The following PRKD3 variants were observed in gnomAD, a reference collection of about 807,000 sequenced individuals.
The protein encoded by PRKD3 is protein kinase D3.
In PRKD3, 47 loss-of-function variants were observed where a neutral mutation model predicts 99.2. The ratio of observed to expected loss-of-function variants is 0.47; its 90% CI spans 0.38 to 0.60. The LOEUF is 0.60. Among genes scored for constraint, PRKD3 ranks in the 20% least tolerant of loss-of-function variants. PRKD3 has a pLI of 0.00. For missense variants in PRKD3, 1,019 were observed against 1,088.4 expected (o/e 0.94, Z 0.90); for synonymous variants, 392 against 355.4 (o/e 1.10, Z -1.16).
intron 2 of PRKD3, among the ~76,000 whole-genome samples, chr2:37,307,247 GCCAGTAAAATAGT>G (rs1446268930): frequency 9.9e-5 from 15 of 152,100 alleles, no homozygotes; most frequent in African/African-American, 3.6e-4. Context: ...TATAACATTT[GCCAGTAAAATAGT>G]CCAAAGTCCT....
chr2:37,260,842 T>A (rs1318390607), intron 14 of PRKD3, among the ~76,000 whole-genome samples: 5 of 152,226 alleles, frequency 3.3e-5, no homozygotes, highest in Admixed American at 6.5e-5. Context: ...TATAATATTA[T>A]AATCATTAAT....
At chr2:37,293,590 C>T (rs547438497) in intron 2 of PRKD3, among the ~76,000 whole-genome samples, 2 of 152,266 alleles carry the variant, frequency 1.3e-5, no homozygotes, top group South Asian at 4.1e-4. Flanking sequence ...CCACTCTTAG[C>T]CTGAAAGATA....
chr2:37,273,330 C>A (rs1416219185), intron 11 of PRKD3, among the ~76,000 whole-genome samples: 1 of 152,112 alleles, frequency 6.6e-6, no homozygotes, highest in East Asian at 1.9e-4. Flanking sequence ...CATCTACTTA[C>A]ACCCATTCCA....
intron 14 of PRKD3, among the ~76,000 whole-genome samples, chr2:37,264,504 TTAAGG>T (rs1668692187): frequency 8.3e-6 from 1 of 120,798 alleles, no homozygotes; most frequent in South Asian, 2.5e-4. Context: ...AGAAAAAGAG[TTAAGG>T]TAGGGGAGTG....
In PRKD3 at chr2:37,316,370, T is replaced by C. The variant is rs752612002; in HGVS notation, c.155A>G (p.Asn52Ser). The change falls in exon 2 of 19, where the codon AAC becomes AGC. Residue 52 changes from asparagine (N) to serine (S), a missense_variant. Asn to Ser is a conservative substitution (Grantham distance 46, BLOSUM62 1). Transcript: ENST00000234179. ...NGSFSAPSLT[N>S]SRGSVHTVSF... ...AACTGTATGCACTGAGCCTCTGGAG[T>C]TGGTGAGTGATGGTGCACTGAAGCT... 6.8e-6 allele frequency: 11 copies of C among 1,613,664 alleles called. No individual in the cohort carries two copies. In the African/African-American group the frequency reaches 1.3e-4, roughly 20 times the overall value.
chr2:37,286,873 A>G (rs1670118731), intron 5 of PRKD3, among the ~76,000 whole-genome samples: 1 of 152,202 alleles, frequency 6.6e-6, no homozygotes, highest in Non-Finnish European at 1.5e-5. Flanking sequence ...TTCAGCTTTA[A>G]GAAGAAGTAA....
rs1379788513 is a variant in PRKD3, at chr2:37,260,337, G to A, written c.1932C>T (p.Thr644=). The A allele has an allele frequency of 4.3e-6, 7 of 1,611,004 alleles. No homozygotes were observed. In the African/African-American group the frequency reaches 9.4e-5, roughly 22 times the overall value. Residue 644 remains threonine (T), a synonymous_variant, in exon 15 of 19, where the codon ACC becomes ACT. Coordinates refer to ENST00000234179, the MANE Select transcript of PRKD3 (RefSeq NM_005813.6). ...GIVNLECMFE[T]PERVFVVMEK... is the part of the protein sequence containing the mutation. ...CCATTACTACAAAGACTCGTTCTGG[G>A]GTTTCAAACATACATTCCAGGTTTA...
chr2:37,256,828 C>T lies in PRKD3; in HGVS notation c.2247G>A (p.Arg749=), dbSNP rs754511367. The T allele has an allele frequency of 6.2e-7, 1 of 1,613,804 alleles. No individual in the cohort carries two copies. Among genetic ancestry groups the T allele is most frequent in the Non-Finnish European group, 8.5e-7 (1 of 1,179,942 alleles). ...CTAGGGAACGGTTGTAACCTTTGCT[C>T]CGGAGAACTTCAGGGGCTAAGTATG... ...TPAYLAPEVL[R]SKGYNRSLDM... is the part of the protein sequence containing the mutation. Residue 749 remains arginine (R), a synonymous_variant, in exon 17 of 19, where the codon CGG becomes CGA. Coordinates refer to ENST00000234179, the MANE Select transcript of PRKD3 (RefSeq NM_005813.6).
At chr2:37,260,957 T>C (rs1668390954) in intron 14 of PRKD3, among the ~76,000 whole-genome samples, 1 of 152,250 alleles carries the variant, frequency 6.6e-6, no homozygotes, top group African/African-American at 2.4e-5. Context: ...ATACTATTTA[T>C]GCTTATAAAA....
Position 37,287,278 on chromosome 2 carries a change from A to AAGAAAG in PRKD3, c.718-910_718-909insCTTTCT, listed in dbSNP as rs1558556390. Reference sequence around the variant, plus strand: ...AAAAAAAAAAAAAAAGAAAAAGAAAAAGAAAAAGAAAAATACCTGCCTACA... The same window carrying AAGAAAG: ...AAAAAAAAAAAAAAAGAAAAAGAAAAAGAAAGAGAAAAAGAAAAATACCTGCCTACA... On this transcript the variant is annotated intron_variant, in intron 5 of 18. Coordinates refer to ENST00000234179, the MANE Select transcript of PRKD3 (RefSeq NM_005813.6). Among the ~76,000 whole-genome samples, 58 of 147,144 alleles carry AAGAAAG rather than the reference A, an allele frequency of 3.9e-4. 1 individual carries two copies. The East Asian group carries it at 0.011, about 27-fold the overall frequency.
chr2:37,303,131 T>C (rs1671010353), intron 2 of PRKD3, among the ~76,000 whole-genome samples: 1 of 152,048 alleles, frequency 6.6e-6, no homozygotes, highest in South Asian at 2.1e-4. Flanking sequence ...GAGGGACAGC[T>C]GGACTTCAGA....
Position 37,316,645 on chromosome 2 carries a change from T to G in PRKD3, c.-121A>C. On this transcript the variant is annotated 5_prime_UTR_variant, in exon 2 of 19. Transcript: ENST00000234179. The stretch of plus-strand genomic sequence containing the variant: ...TTTTGGATTTAGTTGAAAACTTCTT[T>G]ATTTCCTCTGTTAAGCCACTCATGC... The G allele has an allele frequency of 1.4e-6, 2 of 1,470,256 alleles. No homozygotes were observed. Among genetic ancestry groups the G allele is most frequent in the Non-Finnish European group, 1.8e-6 (2 of 1,118,984 alleles). The allele number at this position is 1,470,256 out of a possible 1,614,324, so 91.1% of individuals were successfully genotyped here. A position where few individuals can be genotyped will look rare whatever the true frequency, so the allele number is the denominator to read the frequency against.
intron 14 of PRKD3, among the ~76,000 whole-genome samples, chr2:37,266,060 A>G (rs1034031466): frequency 3.3e-5 from 5 of 152,204 alleles, no homozygotes; most frequent in Non-Finnish European, 7.3e-5. Context: ...CATATTCAAC[A>G]GAGTATGAAT....
intron 7 of PRKD3, among the ~76,000 whole-genome samples, chr2:37,281,692 T>C (rs1274008570): frequency 1.3e-5 from 2 of 152,190 alleles, no homozygotes; most frequent in Non-Finnish European, 2.9e-5. Context: ...TATTTTGTTA[T>C]AGCAGCACAA....
chr2:37,315,121 G>A (rs948265627), intron 2 of PRKD3, among the ~76,000 whole-genome samples: 2 of 152,132 alleles, frequency 1.3e-5, no homozygotes, highest in Non-Finnish European at 2.9e-5. Context: ...TTTGCAAATA[G>A]AAAGTTTACA....
chr2:37,322,149 T>G (rs769029882), intron 1 of PRKD3, among the ~76,000 whole-genome samples: 3 of 152,204 alleles, frequency 2.0e-5, no homozygotes, highest in African/African-American at 4.8e-5. Context: ...GTATGTGGCC[T>G]TTTTCAATGC....
chr2:37,252,267 C>T lies in PRKD3; in HGVS notation c.*910G>A, dbSNP rs1667561329. 6.6e-6 allele frequency: 1 copy of T among 152,182 alleles called. No homozygotes were observed. Among genetic ancestry groups the T allele is most frequent in the Non-Finnish European group, 1.5e-5 (1 of 68,020 alleles). The allele number at this position is 152,182 out of a possible 1,614,324, so 9.4% of individuals were successfully genotyped here. A position where few individuals can be genotyped will look rare whatever the true frequency, so the allele number is the denominator to read the frequency against. Reference sequence around the variant, plus strand: ...TGGCCCTGCTAAAAAGCAGAAATTACTGACTGAACCCTAGGTAAAGATAAA... The same window carrying T: ...TGGCCCTGCTAAAAAGCAGAAATTATTGACTGAACCCTAGGTAAAGATAAA... On this transcript the variant is annotated 3_prime_UTR_variant, in exon 19 of 19. Coordinates refer to ENST00000234179, the MANE Select transcript of PRKD3 (RefSeq NM_005813.6).
intron 2 of PRKD3, among the ~76,000 whole-genome samples, chr2:37,313,679 G>T (rs1394209010): frequency 6.6e-6 from 1 of 152,120 alleles, no homozygotes; most frequent in Non-Finnish European, 1.5e-5. Flanking sequence ...TTTATAAAAA[G>T]AATGATTAAC....
chr2:37,299,668 G>A (rs1185174850), intron 2 of PRKD3, among the ~76,000 whole-genome samples: 2 of 151,628 alleles, frequency 1.3e-5, no homozygotes, highest in African/African-American at 2.4e-5. Context: ...AATATATAAG[G>A]AGCTCAAATG....
Sources: gnomAD v4.1 joint callset for allele counts (sites outside exome capture counted in the v4.1 genomes callset) on GRCh38, gnomAD v4.1.1 for gene constraint, MANE v1.5 for transcripts, NCBI Gene and HGNC (gene_info 2026-07-23, HGNC 2026-07-21) for gene names.